The following STPG2 variants were observed in gnomAD, a reference collection of about 807,000 sequenced individuals.
The protein encoded by STPG2 is sperm-tail PG-rich repeat-containing protein 2.
STPG2 carries 56 observed loss-of-function variants against 54.2 expected under a neutral mutation model. The ratio of observed to expected loss-of-function variants is 1.03; its 90% CI spans 0.83 to 1.29. The LOEUF (loss-of-function observed/expected upper bound fraction) is 1.29. Among genes scored for constraint, STPG2 ranks in the 50% most tolerant of loss-of-function variants. The probability of loss-of-function intolerance (pLI) is 0.00; values close to 1 mark genes in which losing one functional copy is unlikely to be tolerated. For missense variants in STPG2, 596 were observed against 544.9 expected (o/e 1.09, Z -0.93); for synonymous variants, 200 against 181.8 (o/e 1.10, Z -0.81).
intron 9 of STPG2, among the ~76,000 whole-genome samples, chr4:97,781,581 A>G (rs1477807418): frequency 1.3e-5 from 2 of 152,170 alleles, no homozygotes; most frequent in Non-Finnish European, 2.9e-5. Flanking sequence ...AACTCATTTT[A>G]TGAGGCCATC....
intron 1 of STPG2, among the ~76,000 whole-genome samples, chr4:98,142,507 G>A (rs1201125901): frequency 1.3e-5 from 2 of 151,062 alleles, no homozygotes; most frequent in Non-Finnish European, 2.9e-5. Context: ...ACAGAATGTG[G>A]AGAAAAGGGG....
chr4:98,087,154 C>T (rs1738544681), intron 5 of STPG2, among the ~76,000 whole-genome samples: 1 of 152,096 alleles, frequency 6.6e-6, no homozygotes, highest in Non-Finnish European at 1.5e-5. Flanking sequence ...ATATTATTAT[C>T]GTCTCATTTA....
At chr4:97,683,233 A>T (rs1439859668) in intron 10 of STPG2, among the ~76,000 whole-genome samples, 1 of 151,852 alleles carries the variant, frequency 6.6e-6, no homozygotes, top group Non-Finnish European at 1.5e-5. Flanking sequence ...TAAATGATGC[A>T]TACATAGAAT....
intron 10 of STPG2, among the ~76,000 whole-genome samples, chr4:97,567,185 C>T (rs1205415276): frequency 6.8e-6 from 1 of 147,808 alleles, no homozygotes; most frequent in Non-Finnish European, 1.5e-5. Flanking sequence ...GTAGTCATAG[C>T]TGTAACACAC....
chr4:97,712,156 TC>T (rs1453035351), intron 10 of STPG2, among the ~76,000 whole-genome samples: 1 of 152,186 alleles, frequency 6.6e-6, no homozygotes. Context: ...CCTATTTCAT[TC>T]TAATTCTCTA....
intron 8 of STPG2, among the ~76,000 whole-genome samples, chr4:97,931,661 GTTT>G (rs869257958): frequency 2.3e-5 from 3 of 129,316 alleles, no homozygotes. Context: ...TGGTTTTTTT[GTTT>G]TTTGTTGTTG....
At chr4:97,757,400 C>A (rs1344242575) in intron 9 of STPG2, among the ~76,000 whole-genome samples, 1 of 152,128 alleles carries the variant, frequency 6.6e-6, no homozygotes, top group Admixed American at 6.5e-5. Context: ...CTGTGATTAA[C>A]AATTAGGTGA....
chr4:97,671,381 A>G (rs956835427), intron 10 of STPG2, among the ~76,000 whole-genome samples: 8 of 152,234 alleles, frequency 5.3e-5, no homozygotes, highest in African/African-American at 1.9e-4. Context: ...AAACTTACAT[A>G]TGTAGGCCTC....
chr4:98,075,416 T>C (rs1738134824), intron 5 of STPG2, among the ~76,000 whole-genome samples: 1 of 152,208 alleles, frequency 6.6e-6, no homozygotes, highest in African/African-American at 2.4e-5. Context: ...TGCTGGAAGA[T>C]TTTACTAGCC....
chr4:97,460,279 T>C lies in STPG2; in HGVS notation c.462+252420A>G, dbSNP rs958160492. ...TGTGATAGCTTCCTTCTCTGCTTTA[T>C]TTTTTTCTATTTATTACAATAGGCA... On this transcript the variant is annotated intron_variant, in intron 4 of 4. Transcript: ENST00000522676. Among the ~76,000 whole-genome samples the C allele has an allele frequency of 5.9e-5, 9 of 152,170 alleles. 1 individual carries two copies. Among genetic ancestry groups the C allele is most frequent in the Admixed American group, 4.6e-4 (7 of 15,272 alleles).
intron 4 of STPG2, among the ~76,000 whole-genome samples, chr4:97,531,645 G>A (rs989659139): frequency 6.6e-6 from 1 of 152,124 alleles, no homozygotes; most frequent in African/African-American, 2.4e-5. Flanking sequence ...CTTATTTGTG[G>A]GAGCTAAAAA....
At chr4:97,667,909 T>C (rs1722576958) in intron 10 of STPG2, among the ~76,000 whole-genome samples, 1 of 152,186 alleles carries the variant, frequency 6.6e-6, no homozygotes, top group African/African-American at 2.4e-5. Context: ...CAGCCTTTTT[T>C]ACATAAAAGA....
chr4:97,594,410 G>A (rs969271567), intron 10 of STPG2, among the ~76,000 whole-genome samples: 11 of 152,118 alleles, frequency 7.2e-5, no homozygotes, highest in Non-Finnish European at 1.0e-4. Context: ...CTCAGAGCTC[G>A]AAGACTGGTT....
chr4:97,599,838 GAAAAGAAAAGAAAAGGAAAA>G (rs2148905421), intron 10 of STPG2, among the ~76,000 whole-genome samples: 1 of 139,940 alleles, frequency 7.1e-6, no homozygotes, highest in Non-Finnish European at 1.6e-5. Flanking sequence ...AAAAAAAAAA[GAAAAGAAAAGAAAAGGAAAA>G]AAAAGAAAAG....
At chr4:98,072,179 C>G (rs1738024435) in intron 5 of STPG2, among the ~76,000 whole-genome samples, 1 of 152,100 alleles carries the variant, frequency 6.6e-6, no homozygotes, top group African/African-American at 2.4e-5. Flanking sequence ...CAATGATAGA[C>G]TGGATAAAGA....
chr4:97,636,874 C>G (rs1033548172), intron 10 of STPG2, among the ~76,000 whole-genome samples: 14 of 151,434 alleles, frequency 9.2e-5, no homozygotes, highest in African/African-American at 2.9e-4. Flanking sequence ...AAAAAGAGTC[C>G]AGGACCAGAT....
At chr4:97,939,618 C>T (rs185375990) in intron 8 of STPG2, among the ~76,000 whole-genome samples, 292 of 152,266 alleles carry the variant, frequency 1.9e-3, no homozygotes, top group Non-Finnish European at 2.2e-3. Context: ...ATTAAGATTG[C>T]AACCCCTGCT....
chr4:97,875,409 G>A (rs948120311), intron 8 of STPG2, among the ~76,000 whole-genome samples: 2 of 148,142 alleles, frequency 1.4e-5, no homozygotes, highest in African/African-American at 4.9e-5. Context: ...AAAGATCAGA[G>A]CCTAATGACT....
chr4:97,914,120 G>T (rs1225523816), intron 8 of STPG2, among the ~76,000 whole-genome samples: 1 of 152,142 alleles, frequency 6.6e-6, no homozygotes, highest in Non-Finnish European at 1.5e-5. Flanking sequence ...TACACACAGT[G>T]CTTGACACCA....
Sources: gnomAD v4.1 joint callset for allele counts (sites outside exome capture counted in the v4.1 genomes callset) on GRCh38, gnomAD v4.1.1 for gene constraint, MANE v1.5 for transcripts, NCBI Gene and HGNC (gene_info 2026-07-23, HGNC 2026-07-21) for gene names.